The following TMEM132C variants were observed in gnomAD, a reference collection of about 807,000 sequenced individuals.
TMEM132C encodes protein phosphatase 1, regulatory subunit 152.
In TMEM132C, 29 loss-of-function variants were observed where a neutral mutation model predicts 61.4. The ratio of observed to expected loss-of-function variants is 0.47; its 90% CI spans 0.35 to 0.64. The LOEUF is 0.64. TMEM132C is among the 30% of genes least tolerant of loss of function. The pLI is 0.00. For missense variants in TMEM132C, 1,408 were observed against 1,476.9 expected, an observed-to-expected ratio of 0.95 and a Z score of 0.76; for synonymous variants, 656 against 633.1, an observed-to-expected ratio of 1.04 and a Z score of -0.54.
intron 1 of TMEM132C, among the ~76,000 whole-genome samples, chr12:128,414,022 T>G (rs1868662945): frequency 6.6e-6 from 1 of 152,232 alleles, no homozygotes. Context: ...TTTGGTCTTA[T>G]GTACGGTGTG....
rs1211895637 is a variant in TMEM132C at position 128,326,836 on chromosome 12, C to T, written c.85+59349C>T. Among the ~76,000 whole-genome samples the T allele has an allele frequency of 2.0e-5, 3 of 149,680 alleles. No homozygotes were observed. In the East Asian group the frequency reaches 5.8e-4, roughly 29 times the overall value. On this transcript the variant is annotated intron_variant, in intron 1 of 8. Coordinates refer to ENST00000435159, the MANE Select transcript of TMEM132C (RefSeq NM_001136103.3). This position sits in a 1 kb window ranked among gnomAD's most constrained non-coding sequence, Gnocchi z 5.6. Reference sequence around the variant, plus strand: ...CTTAACAACGTAGTAAAACAGCACTCAGGAATTAATTGTATTTTTAATAAA... The same window carrying T: ...CTTAACAACGTAGTAAAACAGCACTTAGGAATTAATTGTATTTTTAATAAA...
intron 2 of TMEM132C, among the ~76,000 whole-genome samples, chr12:128,447,399 A>T (rs533143944): frequency 5.0e-4 from 76 of 152,342 alleles, no homozygotes; most frequent in African/African-American, 1.7e-3. Flanking sequence ...TCAGGGAAGG[A>T]AATGGATGCT....
intron 2 of TMEM132C, among the ~76,000 whole-genome samples, chr12:128,432,167 A>T (rs146461895): frequency 6.6e-6 from 1 of 152,364 alleles, no homozygotes; most frequent in Non-Finnish European, 1.5e-5. Flanking sequence ...TCTGATGGAT[A>T]TGTGCAGGGG....
chr12:128,393,745 G>T (rs929573031), intron 1 of TMEM132C, among the ~76,000 whole-genome samples: 15 of 152,214 alleles, frequency 9.9e-5, no homozygotes, highest in African/African-American at 3.6e-4. Context: ...CTTGCCTCAT[G>T]GTCACAAAAA....
At chr12:128,270,776 C>T (rs1870484927) in intron 1 of TMEM132C, among the ~76,000 whole-genome samples, 1 of 152,172 alleles carries the variant, frequency 6.6e-6, no homozygotes, top group Non-Finnish European at 1.5e-5. Flanking sequence ...TGTGTTTTAG[C>T]CTCTTAGTAG....
intron 1 of TMEM132C, among the ~76,000 whole-genome samples, chr12:128,312,041 C>T (rs367787490): frequency 6.5e-4 from 99 of 152,274 alleles, no homozygotes; most frequent in African/African-American, 2.2e-3. Flanking sequence ...TTTGCAAAGT[C>T]GGGCGGTGGA....
At chr12:128,520,825 T>C (rs1872882429) in intron 2 of TMEM132C, among the ~76,000 whole-genome samples, 1 of 152,152 alleles carries the variant, frequency 6.6e-6, no homozygotes, top group Non-Finnish European at 1.5e-5. Context: ...TGGGAGAGTT[T>C]ATTAGAGGCT....
rs78396564 is a variant in TMEM132C, at chr12:128,675,727, G to C, written c.1449+6167G>C. ...ATGTGAATAGATGGGTGGGTGGACA[G>C]ATGGAGGAAGGGAGATAGATAGATA... On this transcript the variant is annotated intron_variant, in intron 5 of 8. Coordinates refer to ENST00000435159, the MANE Select transcript of TMEM132C (RefSeq NM_001136103.3). Among the ~76,000 whole-genome samples the C allele has an allele frequency of 7.2e-3, 1,099 of 152,238 alleles. 16 individuals are homozygous for C. Among genetic ancestry groups the C allele is most frequent in the African/African-American group, 0.025 (1,035 of 41,518 alleles).
At chr12:128,367,622 C>G (rs2135978237) in intron 1 of TMEM132C, among the ~76,000 whole-genome samples, 1 of 152,182 alleles carries the variant, frequency 6.6e-6, no homozygotes, top group South Asian at 2.1e-4. Flanking sequence ...TGATTCTAGA[C>G]CTTCCCTGTC....
At chr12:128,644,088 C>T (rs1181034396) in intron 4 of TMEM132C, among the ~76,000 whole-genome samples, 3 of 152,194 alleles carry the variant, frequency 2.0e-5, no homozygotes, top group Admixed American at 2.0e-4. Context: ...AAGATGGAAA[C>T]AGTGGCCAAT....
chr12:128,393,985 C>T (rs929520704), intron 1 of TMEM132C, among the ~76,000 whole-genome samples: 4 of 152,112 alleles, frequency 2.6e-5, no homozygotes, highest in African/African-American at 9.7e-5. Flanking sequence ...TGTATTAGTC[C>T]GTTTTCACAC....
chr12:128,400,062 T>TA (rs1264199360), intron 1 of TMEM132C: 14 of 152,276 alleles, frequency 9.2e-5, no homozygotes, highest in African/African-American at 3.4e-4. Flanking sequence ...AAAGCAGAGT[T>TA]ACCACAGTTT....
chr12:128,393,883 A>G (rs1029296552), intron 1 of TMEM132C, among the ~76,000 whole-genome samples: 1 of 152,204 alleles, frequency 6.6e-6, no homozygotes, highest in Non-Finnish European at 1.5e-5. Flanking sequence ...GCTCCACCCA[A>G]CAACTCCCTT....
intron 5 of TMEM132C, among the ~76,000 whole-genome samples, chr12:128,673,629 GCT>G (rs1954556323): frequency 6.6e-6 from 1 of 152,184 alleles, no homozygotes; most frequent in Non-Finnish European, 1.5e-5. Context: ...AATAGTCTAT[GCT>G]CTGTTTGTAC....
At chr12:128,353,767 G>A (rs544069992) in intron 1 of TMEM132C, among the ~76,000 whole-genome samples, 31 of 152,230 alleles carry the variant, frequency 2.0e-4, no homozygotes, top group African/African-American at 7.5e-4. Flanking sequence ...CTTTCCTCCT[G>A]GTAGTAGTGG....
At chr12:128,297,509 A>C (rs898746272) in intron 1 of TMEM132C, among the ~76,000 whole-genome samples, 1 of 152,142 alleles carries the variant, frequency 6.6e-6, no homozygotes, top group African/African-American at 2.4e-5. Flanking sequence ...GTCTTGCCTT[A>C]ACTGATGTTG....
intron 4 of TMEM132C, among the ~76,000 whole-genome samples, chr12:128,658,100 GGCC>G: frequency 8.3e-6 from 1 of 120,616 alleles, no homozygotes; most frequent in Non-Finnish European, 1.8e-5. Flanking sequence ...CTCCCATGGA[GGCC>G]ACAAGGCAGG....
chr12:128,665,455 T>TCA (rs758763082), intron 4 of TMEM132C, among the ~76,000 whole-genome samples: 27 of 93,724 alleles, frequency 2.9e-4, no homozygotes, highest in Non-Finnish European at 1.6e-4. Flanking sequence ...ACGTAGGCAC[T>TCA]CACACACACA....
At chr12:128,449,964 G>A (rs546378648) in intron 2 of TMEM132C, among the ~76,000 whole-genome samples, 1 of 152,230 alleles carries the variant, frequency 6.6e-6, no homozygotes, top group Non-Finnish European at 1.5e-5. Flanking sequence ...GACCTATGAA[G>A]ATTTGACGAT....
Sources: gnomAD v4.1 joint callset for allele counts (sites outside exome capture counted in the v4.1 genomes callset) on GRCh38, gnomAD v4.1.1 for gene constraint, Gnocchi (gnomAD v3.1) non-coding constraint, MANE v1.5 for transcripts, NCBI Gene and HGNC (gene_info 2026-07-23, HGNC 2026-07-21) for gene names.